Variants in CTNND2 observed in about 807,000 individuals in gnomAD.
The protein encoded by CTNND2 is catenin delta-2.
A neutral mutation model predicts 144.4 loss-of-function variants in CTNND2; 22 were observed. The observed-to-expected ratio is 0.15, with a 90% CI of 0.11 to 0.22. The LOEUF is 0.22. Ranked by LOEUF, CTNND2 falls within the 10% of genes least tolerant of loss-of-function variation. The probability of loss-of-function intolerance (pLI) is 1.00; values close to 1 mark genes in which losing one functional copy is unlikely to be tolerated. For synonymous variants in CTNND2, 751 were observed against 695.6 expected, an observed-to-expected ratio of 1.08 and a Z score of -1.25; for missense variants, 1,353 against 1,618.8, an observed-to-expected ratio of 0.84 and a Z score of 2.82.
chr5:11,101,214 A>C (rs1351275137), intron 14 of CTNND2, among the ~76,000 whole-genome samples: 1 of 152,216 alleles, frequency 6.6e-6, no homozygotes, highest in African/African-American at 2.4e-5. Context: ...ACTTTTATTA[A>C]GTTAATAGGG....
At chr5:11,019,865 GA>G (rs1027047524) in intron 17 of CTNND2, among the ~76,000 whole-genome samples, 1 of 151,838 alleles carries the variant, frequency 6.6e-6, no homozygotes, top group East Asian at 1.9e-4. Context: ...TAAAATTGGG[GA>G]AAAAAAACCA....
At chr5:10,993,385 A>C (rs1397585896) in intron 18 of CTNND2, among the ~76,000 whole-genome samples, 1 of 152,246 alleles carries the variant, frequency 6.6e-6, no homozygotes, top group African/African-American at 2.4e-5. Context: ...GAAAATAAAA[A>C]TAGGTGGTAA....
chr5:11,842,208 T>A (rs373744647), intron 1 of CTNND2, among the ~76,000 whole-genome samples: 17 of 152,164 alleles, frequency 1.1e-4, no homozygotes, highest in African/African-American at 4.1e-4. Context: ...GTGTAAATAG[T>A]GTCAGGATGT....
At chr5:11,808,836 G>A (rs904801293) in intron 1 of CTNND2, among the ~76,000 whole-genome samples, 11 of 152,224 alleles carry the variant, frequency 7.2e-5, no homozygotes, top group African/African-American at 2.4e-4. Flanking sequence ...AAGTTTTATT[G>A]TATTTATTAT....
At chr5:11,803,281 C>G (rs974796489) in intron 1 of CTNND2, among the ~76,000 whole-genome samples, 1 of 151,782 alleles carries the variant, frequency 6.6e-6, no homozygotes, top group Non-Finnish European at 1.5e-5. Context: ...GATTGCACCA[C>G]TGCACTCCAG....
At chr5:11,648,051 T>C (rs1782455767) in intron 2 of CTNND2, among the ~76,000 whole-genome samples, 1 of 152,204 alleles carries the variant, frequency 6.6e-6, no homozygotes, top group Admixed American at 6.5e-5. Context: ...TTAGTACATT[T>C]CTATTCTATT....
intron 9 of CTNND2, among the ~76,000 whole-genome samples, chr5:11,287,216 T>C (rs893272913): frequency 6.6e-6 from 1 of 152,196 alleles, no homozygotes; most frequent in Non-Finnish European, 1.5e-5. Flanking sequence ...TTAGATGAGA[T>C]TAACATTTAA....
intron 3 of CTNND2, among the ~76,000 whole-genome samples, chr5:11,547,813 A>C (rs192588739): frequency 2.6e-5 from 4 of 152,230 alleles, no homozygotes; most frequent in Admixed American, 6.5e-5. Context: ...TTGCACAAGT[A>C]CTTTTGAAAG....
intron 5 of CTNND2, among the ~76,000 whole-genome samples, chr5:11,410,595 T>G (rs1441878896): frequency 6.6e-6 from 1 of 152,142 alleles, no homozygotes; most frequent in Non-Finnish European, 1.5e-5. Context: ...TATGATTTAT[T>G]TAAAGGAGGT....
intron 14 of CTNND2, among the ~76,000 whole-genome samples, chr5:11,101,756 A>G (rs2149671114): frequency 6.6e-6 from 1 of 152,304 alleles, no homozygotes; most frequent in Non-Finnish European, 1.5e-5. Flanking sequence ...AAAGAAGTAA[A>G]ATGTCATCAA....
At position 11,364,657 on chromosome 5, in the gene CTNND2, C is replaced by G. The variant is rs542798071; in HGVS notation, c.1372+39G>C. 1.9e-5 allele frequency: 30 copies of G among 1,552,212 alleles called. 1 individual carries two copies. The highest frequency in any genetic ancestry group is 9.7e-5 in the South Asian group (8 of 82,284). ...TGAAGCTCCCGCGCAGAGCCCACCCCCTGTGGACAGGCCACCCAGTGGGGT... is the reference window on the plus strand; with the variant it reads ...TGAAGCTCCCGCGCAGAGCCCACCCGCTGTGGACAGGCCACCCAGTGGGGT... On this transcript the variant is annotated intron_variant, in intron 8 of 21. Transcript: ENST00000304623.
At chr5:11,733,206 G>A (rs1019436363) in intron 1 of CTNND2, among the ~76,000 whole-genome samples, 1 of 152,148 alleles carries the variant, frequency 6.6e-6, no homozygotes, top group Admixed American at 6.5e-5. Context: ...GAAGCCTGTT[G>A]GTCAGAAGTT....
intron 5 of CTNND2, among the ~76,000 whole-genome samples, chr5:11,406,152 G>C (rs940943307): frequency 7.2e-5 from 11 of 152,108 alleles, no homozygotes; most frequent in African/African-American, 1.2e-4. Flanking sequence ...CATCTCATAA[G>C]TAAGTAAATA....
intron 18 of CTNND2, among the ~76,000 whole-genome samples, chr5:11,014,064 G>A (rs914424045): frequency 4.6e-5 from 7 of 152,230 alleles, no homozygotes; most frequent in Non-Finnish European, 8.8e-5. Context: ...CTCCATGAGA[G>A]GGAAAGGGAT....
intron 12 of CTNND2, among the ~76,000 whole-genome samples, chr5:11,128,779 A>T (rs13184824): frequency 0.48 from 30,672 of 64,356 alleles, 8,290 homozygotes; most frequent in Non-Finnish European, 0.56. Context: ...TTATATATAA[A>T]ATATATAAAT....
rs766061319 is a variant in CTNND2, at chr5:11,082,750, C to G, written c.2734G>C (p.Val912Leu). Residue 912 changes from valine to leucine, a missense_variant, in exon 16 of 22, where the codon GTG (valine) becomes CTG (leucine). Physicochemically the swap from Val to Leu is conservative, Grantham distance 32. Coordinates refer to ENST00000304623, the MANE Select transcript of CTNND2 (RefSeq NM_001332.4). ...GCCATGTTCCGCAGCGCAGTGGCCA[C>G]CGCGCACACCACACGGTCATTGTCT... ...RIDNDRVVCA[V>L]ATALRNMALD... 6.2e-7 allele frequency: 1 copy of G among 1,614,190 alleles called. No individual in the cohort carries two copies. Among genetic ancestry groups the G allele is most frequent in the Admixed American group, 1.7e-5 (1 of 60,024 alleles).
intron 3 of CTNND2, among the ~76,000 whole-genome samples, chr5:11,490,709 C>T (rs1295076934): frequency 1.3e-5 from 2 of 152,192 alleles, no homozygotes; most frequent in Non-Finnish European, 2.9e-5. Context: ...GATAATCTGA[C>T]ATTCTTAAAT....
At chr5:11,084,951 A>G (rs375016342) in intron 15 of CTNND2, among the ~76,000 whole-genome samples, 8 of 152,016 alleles carry the variant, frequency 5.3e-5, no homozygotes, top group East Asian at 3.9e-4. Flanking sequence ...TTAATCCTCC[A>G]TGCTCAGTCT....
intron 2 of CTNND2, among the ~76,000 whole-genome samples, chr5:11,693,949 T>C (rs1404295877): frequency 6.6e-6 from 1 of 152,360 alleles, no homozygotes; most frequent in East Asian, 1.9e-4. Flanking sequence ...AGCTATCTTA[T>C]TTTTATATAT....
Sources: allele counts gnomAD v4.1 joint callset (sites outside exome capture counted in the v4.1 genomes callset), GRCh38; gene constraint gnomAD v4.1.1; transcripts MANE v1.5; gene names NCBI Gene and HGNC (gene_info 2026-07-23, HGNC 2026-07-21).